The following PPP3CA variants were observed in gnomAD, a reference collection of about 807,000 sequenced individuals.
The protein encoded by PPP3CA is CAM-PRP catalytic subunit.
In PPP3CA, 14 loss-of-function variants were observed where a neutral mutation model predicts 66.5. The observed-to-expected ratio is 0.21, with a 90% CI of 0.14 to 0.33. PPP3CA has a LOEUF of 0.33. Among genes scored for constraint, PPP3CA ranks in the 10% least tolerant of loss-of-function variants. PPP3CA has a pLI of 1.00. For synonymous variants in PPP3CA, 232 were observed against 226.2 expected (o/e 1.03, Z -0.23); for missense variants, 317 against 639.5 (o/e 0.50, Z 5.44).
At chr4:101,137,563 C>T (rs552606671) in intron 2 of PPP3CA, among the ~76,000 whole-genome samples, 5 of 152,212 alleles carry the variant, frequency 3.3e-5, no homozygotes, top group Non-Finnish European at 5.9e-5. Context: ...TATCCCTTCC[C>T]TACCCAACCA....
At chr4:101,246,407 G>A (rs1270805139) in intron 1 of PPP3CA, among the ~76,000 whole-genome samples, 4 of 152,132 alleles carry the variant, frequency 2.6e-5, no homozygotes, top group Non-Finnish European at 5.9e-5. Flanking sequence ...GCAATCCAAA[G>A]TGATTTGAAA....
chr4:101,266,402 T>C (rs1426540184), intron 1 of PPP3CA, among the ~76,000 whole-genome samples: 6 of 152,178 alleles, frequency 3.9e-5, no homozygotes, highest in Non-Finnish European at 5.9e-5. Context: ...TTATTAAATT[T>C]AGATATGGCC....
intron 6 of PPP3CA, among the ~76,000 whole-genome samples, chr4:101,084,210 A>G (rs111781398): frequency 3.3e-5 from 5 of 152,350 alleles, no homozygotes; most frequent in Non-Finnish European, 5.9e-5. Context: ...ACATTCATCA[A>G]TTATAAAAAT....
intron 2 of PPP3CA, among the ~76,000 whole-genome samples, chr4:101,182,144 A>G (rs183330371): frequency 3.1e-4 from 47 of 152,278 alleles, no homozygotes; most frequent in African/African-American, 9.9e-4. Flanking sequence ...CTGAGATTCA[A>G]TTAACATTTT....
intron 1 of PPP3CA, among the ~76,000 whole-genome samples, chr4:101,345,447 T>G (rs1340225155): frequency 6.6e-6 from 1 of 152,172 alleles, no homozygotes; most frequent in African/African-American, 2.4e-5. Context: ...CTGGCCACAT[T>G]AGATACCATC....
At chr4:101,212,476 G>A (rs191983252) in intron 1 of PPP3CA, among the ~76,000 whole-genome samples, 55 of 152,164 alleles carry the variant, frequency 3.6e-4, no homozygotes, top group African/African-American at 1.1e-3. Context: ...GGGTGTTAGG[G>A]GAGGGAGAGC....
intron 10 of PPP3CA, among the ~76,000 whole-genome samples, chr4:101,049,513 A>G (rs138520113): frequency 6.6e-6 from 1 of 152,242 alleles, no homozygotes; most frequent in East Asian, 1.9e-4. Flanking sequence ...ATATCAATTT[A>G]TTATCTAAAA....
intron 6 of PPP3CA, among the ~76,000 whole-genome samples, chr4:101,085,087 T>C (rs1021673388): frequency 2.0e-5 from 3 of 152,234 alleles, no homozygotes; most frequent in Non-Finnish European, 2.9e-5. Flanking sequence ...GAGATACTGG[T>C]TGGTCTTTCA....
At chr4:101,071,652 C>A (rs768067611) in intron 8 of PPP3CA, among the ~76,000 whole-genome samples, 2 of 152,182 alleles carry the variant, frequency 1.3e-5, no homozygotes, top group Non-Finnish European at 2.9e-5. Flanking sequence ...GAGCACTTGG[C>A]AATGAATCTG....
intron 1 of PPP3CA, among the ~76,000 whole-genome samples, chr4:101,200,261 T>C (rs1724926544): frequency 6.6e-6 from 1 of 152,186 alleles, no homozygotes; most frequent in Admixed American, 6.5e-5. Flanking sequence ...TAGTGGGATA[T>C]GTAACTTTTT....
intron 3 of PPP3CA, among the ~76,000 whole-genome samples, chr4:101,106,226 C>T (rs974544185): frequency 2.6e-5 from 4 of 151,106 alleles, no homozygotes; most frequent in East Asian, 3.9e-4. Context: ...GAGGCTAAGG[C>T]GGGAGGATCA....
intron 2 of PPP3CA, among the ~76,000 whole-genome samples, chr4:101,134,003 C>T (rs1356855510): frequency 1.3e-5 from 2 of 152,096 alleles, no homozygotes; most frequent in Non-Finnish European, 2.9e-5. Flanking sequence ...GGGAAGGATT[C>T]CCTATTTAAA....
chr4:101,057,262 G>A (rs1276204367), intron 10 of PPP3CA, among the ~76,000 whole-genome samples: 1 of 152,004 alleles, frequency 6.6e-6, no homozygotes, highest in Non-Finnish European at 1.5e-5. Context: ...TTGCCATGTT[G>A]GCCAGGCTAG....
intron 1 of PPP3CA, among the ~76,000 whole-genome samples, chr4:101,260,678 C>G (rs1726984720): frequency 6.6e-6 from 1 of 152,104 alleles, no homozygotes; most frequent in African/African-American, 2.4e-5. Flanking sequence ...TAAGTCCAAA[C>G]TATCTTCTGC....
chr4:101,177,860 G>A (rs986767774), intron 2 of PPP3CA, among the ~76,000 whole-genome samples: 5 of 151,282 alleles, frequency 3.3e-5, no homozygotes, highest in African/African-American at 1.2e-4. Context: ...CTATAACAAT[G>A]ACTATCATTA....
chr4:101,308,075 C>T (rs1005297546), intron 1 of PPP3CA, among the ~76,000 whole-genome samples: 2 of 152,094 alleles, frequency 1.3e-5, no homozygotes, highest in African/African-American at 4.8e-5. Flanking sequence ...GGGTGTGCCT[C>T]CAAACAATTT....
intron 2 of PPP3CA, among the ~76,000 whole-genome samples, chr4:101,168,456 G>C (rs372497561): frequency 1.3e-5 from 2 of 152,230 alleles, no homozygotes; most frequent in African/African-American, 4.8e-5. Flanking sequence ...TCTCACAAAA[G>C]ACAATTTTTA....
chr4:101,219,722 G>A (rs1725565026), intron 1 of PPP3CA, among the ~76,000 whole-genome samples: 2 of 151,750 alleles, frequency 1.3e-5, no homozygotes, highest in South Asian at 2.1e-4. Context: ...ACAGTCTTCA[G>A]TACTGTCATC....
intron 1 of PPP3CA, among the ~76,000 whole-genome samples, chr4:101,312,466 A>AC (rs1728759604): frequency 6.6e-6 from 1 of 152,000 alleles, no homozygotes; most frequent in Non-Finnish European, 1.5e-5. Flanking sequence ...AAGAGTTTTT[A>AC]CCTAAGAATA....
Sources: allele counts gnomAD v4.1 joint callset (sites outside exome capture counted in the v4.1 genomes callset), GRCh38; gene constraint gnomAD v4.1.1; transcripts MANE v1.5; gene names NCBI Gene and HGNC (gene_info 2026-07-23, HGNC 2026-07-21).